The following GPR107 variants were observed in gnomAD, a reference collection of about 807,000 sequenced individuals.
The protein encoded by GPR107 is protein GPR107.
A neutral mutation model predicts 75.5 loss-of-function variants in GPR107; 31 were observed. That is an observed-to-expected ratio of 0.41 (90% confidence interval 0.31 to 0.55). GPR107 has a LOEUF of 0.55. GPR107 is among the 20% of genes least tolerant of loss of function. The probability of loss-of-function intolerance (pLI) is 0.26; values close to 1 mark genes in which losing one functional copy is unlikely to be tolerated. For missense variants in GPR107, 572 were observed against 665.7 expected (o/e 0.86, Z 1.55); for synonymous variants, 267 against 251.3 (o/e 1.06, Z -0.59).
intron 9 of GPR107, among the ~76,000 whole-genome samples, chr9:130,098,892 C>T (rs1054826920): frequency 1.3e-5 from 2 of 152,028 alleles, no homozygotes; most frequent in African/African-American, 4.8e-5. Context: ...CCTGTAATCC[C>T]GGCTACTCAG....
intron 16 of GPR107, among the ~76,000 whole-genome samples, chr9:130,128,257 C>T (rs769908837): frequency 3.3e-5 from 5 of 152,080 alleles, no homozygotes; most frequent in Non-Finnish European, 7.3e-5. Flanking sequence ...TTTATTATTT[C>T]GATAATAAGT....
At chr9:130,115,185 C>T (rs573368486) in intron 14 of GPR107, among the ~76,000 whole-genome samples, 1 of 152,286 alleles carries the variant, frequency 6.6e-6, no homozygotes, top group African/African-American at 2.4e-5. Context: ...GAGATATAGA[C>T]TTCCCATGTC....
chr9:130,099,190 A>G (rs1194175217), intron 9 of GPR107, among the ~76,000 whole-genome samples: 1 of 152,056 alleles, frequency 6.6e-6, no homozygotes, highest in East Asian at 1.9e-4. Context: ...GCATACACCT[A>G]AAGCCATCCT....
intron 1 of GPR107, 70 bp from the exon 2 acceptor site, chr9:130,075,566 C>T: frequency 1.2e-6 from 1 of 840,458 alleles, no homozygotes; most frequent in East Asian, 2.5e-5. Flanking sequence ...CTTTTTAAAG[C>T]AAATGAATAG....
rs1326054833 is a variant in GPR107 at position 130,137,900 on chromosome 9, C to G, written c.*2779C>G. On this transcript the variant is annotated 3_prime_UTR_variant, in exon 18 of 18. Transcript: ENST00000347136. ...GTGGTATTTATAGCTTTGCTTTGTA[C>G]TCCTCACTGTTTCTGCCTACGCAAA... The G allele has an allele frequency of 1.3e-5, 2 of 152,260 alleles. No individual in the cohort carries two copies. The highest frequency in any genetic ancestry group is 2.9e-5 in the Non-Finnish European group (2 of 68,054). The allele number at this position is 152,260 out of a possible 1,614,324, so 9.4% of individuals were successfully genotyped here.
At chr9:130,076,674 C>T (rs575437062) in intron 3 of GPR107, among the ~76,000 whole-genome samples, 1 of 152,234 alleles carries the variant, frequency 6.6e-6, no homozygotes, top group East Asian at 1.9e-4. Context: ...GCCACCACGC[C>T]TGCCTAATTT....
chr9:130,109,571 C>CTT (rs869222805), intron 14 of GPR107, among the ~76,000 whole-genome samples: 1 of 60,508 alleles, frequency 1.7e-5, no homozygotes, highest in Non-Finnish European at 3.7e-5. Flanking sequence ...CTTTTTCTTT[C>CTT]TTTTTTTTTT....
intron 14 of GPR107, chr9:130,108,673 G>C: frequency 2.2e-6 from 1 of 454,424 alleles, no homozygotes; most frequent in Non-Finnish European, 4.4e-6. Flanking sequence ...AGCCTCCCAA[G>C]GCCCACTCAG....
intron 14 of GPR107, among the ~76,000 whole-genome samples, chr9:130,113,868 C>T (rs568472403): frequency 2.6e-5 from 4 of 152,230 alleles, no homozygotes; most frequent in Non-Finnish European, 5.9e-5. Flanking sequence ...TCTGAAAAGG[C>T]CTACATCTAT....
At chr9:130,089,597 A>G (rs368310402) in intron 7 of GPR107, among the ~76,000 whole-genome samples, 1 of 152,224 alleles carries the variant, frequency 6.6e-6, no homozygotes, top group African/African-American at 2.4e-5. Context: ...TCTAAGGGTC[A>G]GATGCCTACT....
intron 1 of GPR107, among the ~76,000 whole-genome samples, chr9:130,065,766 CAAAAAAAAA>C (rs34927308): frequency 1.6e-5 from 1 of 61,054 alleles, no homozygotes; most frequent in African/African-American, 6.4e-5. Flanking sequence ...GACCCTGTCT[CAAAAAAAAA>C]AAAAAAAAAA....
rs1045833413 is a variant in GPR107, at chr9:130,064,185, CTTTTTTTTTT to C, written c.141+10126_141+10135del. ...GTATCTGAACTATAAAATAGCTTTT[CTTTTTTTTTT>C]TTTTTTTTTTTTTGAGACGGAGTCT... On this transcript the variant is annotated intron_variant, in intron 1 of 17. Coordinates refer to ENST00000347136, the MANE Select transcript of GPR107 (RefSeq NM_020960.5). 7.3e-5 allele frequency among the ~76,000 whole-genome samples: 6 copies of C among 82,580 alleles called. 1 individual carries two copies. Among genetic ancestry groups the C allele is most frequent in the South Asian group, 4.3e-4 (1 of 2,348 alleles). 54.2% of individuals were successfully genotyped at this position (82,580 alleles called of 152,430 possible).
At chr9:130,099,113 C>G (rs1024705569) in intron 9 of GPR107, among the ~76,000 whole-genome samples, 2 of 152,020 alleles carry the variant, frequency 1.3e-5, no homozygotes, top group African/African-American at 4.8e-5. Flanking sequence ...GGTTCAAGAC[C>G]AGCCTGGGAA....
In GPR107 at chr9:130,054,098, G is replaced by A. The variant is rs745537816; in HGVS notation, c.141+25G>A. The A allele has an allele frequency of 5.3e-6, 8 of 1,510,406 alleles. No homozygotes were observed. The South Asian group carries it at 6.2e-5, about 12-fold the overall frequency. The allele number at this position is 1,510,406 out of a possible 1,614,324, so 93.6% of individuals were successfully genotyped here. On this transcript the variant is annotated intron_variant, in intron 1 of 17. Coordinates refer to ENST00000347136, the MANE Select transcript of GPR107 (RefSeq NM_020960.5). Reference sequence around the variant, plus strand: ...GGTAAAGCTTGGCAAGGCCGGGCCGGGGGGCGGAGGCCGAGGCCACTCCCC... The same window carrying A: ...GGTAAAGCTTGGCAAGGCCGGGCCGAGGGGCGGAGGCCGAGGCCACTCCCC...
rs141056882 is a variant in GPR107 at position 130,076,569 on chromosome 9, C to T, written c.306+107C>T. ...CCATTTTCATTTTTTTTTTGGAGTACGGTGGCACAATCATAGCTCACTGCA... is the reference window on the plus strand; with the variant it reads ...CCATTTTCATTTTTTTTTTGGAGTATGGTGGCACAATCATAGCTCACTGCA... On this transcript the variant is annotated intron_variant, in intron 3 of 17. Transcript: ENST00000347136. 4.6e-3 allele frequency: 3,522 copies of T among 767,226 alleles called. 44 individuals carry two copies. The highest frequency in any genetic ancestry group is 0.032 in the African/African-American group (1,868 of 58,558). The allele number at this position is 767,226 out of a possible 1,614,324, so 47.5% of individuals were successfully genotyped here. A position where few individuals can be genotyped will look rare whatever the true frequency, so the allele number is the denominator to read the frequency against.
chr9:130,065,542 C>T (rs1405912896), intron 1 of GPR107, among the ~76,000 whole-genome samples: 1 of 150,862 alleles, frequency 6.6e-6, no homozygotes, highest in East Asian at 2.0e-4. Flanking sequence ...GCAACGGGCA[C>T]CTCACTTGAG....
chr9:130,091,129 A>G (rs1446316112), intron 8 of GPR107, 146 bp downstream of exon 8: 3 of 612,318 alleles, frequency 4.9e-6, no homozygotes, highest in Non-Finnish European at 5.7e-6. Context: ...ATACTTCAGC[A>G]GAGGATTCAT....
At chr9:130,122,931 C>A (rs12378336) in intron 14 of GPR107, among the ~76,000 whole-genome samples, 1 of 152,166 alleles carries the variant, frequency 6.6e-6, no homozygotes, top group Admixed American at 6.5e-5. Context: ...GAGGTCAAGG[C>A]TGCAGTGAGC....
Position 130,104,511 on chromosome 9 carries a change from A to G in GPR107, c.1223A>G (p.Asp408Gly), listed in dbSNP as rs1296866728. The stretch of plus-strand genomic sequence containing the variant: ...TGGAAGGACTCTCTATTTCTGGTCG[A>G]CCTGTTGTGTTGTGGTGCCATCCTC... ...GLWKDSLFLV[D>G]LLCCGAILFP... is the part of the protein sequence containing the mutation. Residue 408 changes from aspartate to glycine, a missense_variant, in exon 13 of 18, where the codon GAC (aspartate) becomes GGC (glycine). Asp to Gly is a moderately conservative substitution (Grantham distance 94). Coordinates refer to ENST00000347136, the MANE Select transcript of GPR107 (RefSeq NM_020960.5). 6.2e-7 allele frequency: 1 copy of G among 1,613,658 alleles called. No individual in the cohort carries two copies. Among genetic ancestry groups the G allele is most frequent in the Non-Finnish European group, 8.5e-7 (1 of 1,179,728 alleles).
Sources: allele counts gnomAD v4.1 joint callset (sites outside exome capture counted in the v4.1 genomes callset), GRCh38; gene constraint gnomAD v4.1.1; transcripts MANE v1.5; gene names NCBI Gene and HGNC (gene_info 2026-07-23, HGNC 2026-07-21).